The following HYDIN variants were observed in gnomAD, a reference collection of about 807,000 sequenced individuals.
HYDIN encodes axonemal central pair apparatus protein HYDIN.
HYDIN carries 132 observed loss-of-function variants against 403.9 expected under a neutral mutation model. The observed-to-expected ratio is 0.33, with a 90% CI of 0.28 to 0.38. HYDIN has a LOEUF of 0.38. Ranked by LOEUF, HYDIN falls within the 10% of genes least tolerant of loss-of-function variation. HYDIN has a pLI of 1.00. For missense variants in HYDIN, 2,827 were observed against 5,009.5 expected (o/e 0.56, Z 13.15); for synonymous variants, 1,202 against 1,891.7 (o/e 0.64, Z 9.46).
chr16:71,100,197 A>G (rs1274756895), intron 10 of HYDIN, among the ~76,000 whole-genome samples: 5 of 152,218 alleles, frequency 3.3e-5, no homozygotes, highest in Non-Finnish European at 5.9e-5. Context: ...TCAAAGCAAA[A>G]GTTGTAAAAC....
intron 15 of HYDIN, 89 bp from the exon 16 acceptor site, chr16:71,064,929 G>T: frequency 3.5e-6 from 5 of 1,418,622 alleles, no homozygotes; most frequent in Non-Finnish European, 4.8e-6. Context: ...ACATTTGTCA[G>T]TGTCACATAG....
intron 85 of HYDIN, among the ~76,000 whole-genome samples, chr16:70,808,452 G>T: frequency 6.6e-6 from 1 of 152,146 alleles, no homozygotes; most frequent in Non-Finnish European, 1.5e-5. Context: ...AGTGAAAGGT[G>T]TCACTTCCAT....
At chr16:70,864,112 C>T (rs1309247066) in intron 67 of HYDIN, among the ~76,000 whole-genome samples, 1 of 152,064 alleles carries the variant, frequency 6.6e-6, no homozygotes, top group African/African-American at 2.4e-5. Context: ...AGGTGGATCA[C>T]CTGAGGTCAG....
chr16:70,911,929 T>C (rs1357807662), intron 47 of HYDIN, among the ~76,000 whole-genome samples: 4 of 150,838 alleles, frequency 2.7e-5, no homozygotes, highest in Non-Finnish European at 5.9e-5. Flanking sequence ...TGTTGGTGTA[T>C]AGAAGAGCTA....
intron 2 of HYDIN, 114 bp downstream of exon 2, chr16:71,186,647 G>T: frequency 1.2e-6 from 1 of 807,734 alleles, no homozygotes; most frequent in South Asian, 2.0e-5. Flanking sequence ...TAACTAAATT[G>T]ATATTAATCA....
At chr16:70,881,964 T>C (rs1297654284) in intron 60 of HYDIN, among the ~76,000 whole-genome samples, 1 of 152,240 alleles carries the variant, frequency 6.6e-6, no homozygotes, top group African/African-American at 2.4e-5. Flanking sequence ...CTGAATTTTC[T>C]GTTCTGCTGT....
intron 10 of HYDIN, among the ~76,000 whole-genome samples, chr16:71,099,966 T>C (rs2083405694): frequency 6.6e-6 from 1 of 152,128 alleles, no homozygotes; most frequent in Non-Finnish European, 1.5e-5. Context: ...TCACATCACT[T>C]GCACTCCAGC....
chr16:70,901,606 G>T, intron 52 of HYDIN, among the ~76,000 whole-genome samples: 1 of 136,434 alleles, frequency 7.3e-6, no homozygotes, highest in Non-Finnish European at 1.5e-5. Context: ...TTTTTTTGGA[G>T]ACGGAGTCTT....
At chr16:71,006,796 A>T (rs2144088605) in intron 23 of HYDIN, among the ~76,000 whole-genome samples, 1 of 152,270 alleles carries the variant, frequency 6.6e-6, no homozygotes, top group Non-Finnish European at 1.5e-5. Context: ...AGACCCCGTC[A>T]GTATTCCCAC....
chr16:70,959,860 C>T, intron 38 of HYDIN, 40 bp from the exon 39 acceptor site: 1 of 570,978 alleles, frequency 1.8e-6, no homozygotes, highest in Non-Finnish European at 3.0e-6. Flanking sequence ...ACATGGCATG[C>T]ATGCTACACA....
intron 45 of HYDIN, chr16:70,933,705 G>C (rs2077418947): frequency 6.5e-6 from 1 of 154,868 alleles, no homozygotes; most frequent in Non-Finnish European, 1.5e-5. Context: ...GTGTCACATA[G>C]CAGGAATTCA....
intron 84 of HYDIN, among the ~76,000 whole-genome samples, chr16:70,812,017 A>C (rs1416598420): frequency 2.1e-5 from 2 of 96,976 alleles, no homozygotes; most frequent in African/African-American, 8.2e-5. Flanking sequence ...CAAGGATGAA[A>C]GAATACTAGT....
At chr16:71,010,229 C>T (rs2080035634) in intron 23 of HYDIN, among the ~76,000 whole-genome samples, 1 of 151,754 alleles carries the variant, frequency 6.6e-6, no homozygotes, top group Admixed American at 6.6e-5. Context: ...GGGCTAAATG[C>T]TTACTTTTGG....
At chr16:71,093,758 A>C in intron 11 of HYDIN, 59 bp downstream of exon 11, 6 of 1,579,256 alleles carry the variant, frequency 3.8e-6, no homozygotes, top group Non-Finnish European at 5.2e-6. Context: ...ATATAAGATA[A>C]AACAAACCCC....
Position 70,878,646 on chromosome 16 carries a change from G to A in HYDIN, c.10557+651C>T, listed in dbSNP as rs956446842. Among the ~76,000 whole-genome samples, 17 of 146,990 alleles carry A rather than the reference G, an allele frequency of 1.2e-4. 1 individual carries two copies. Among genetic ancestry groups the A allele is most frequent in the African/African-American group, 3.6e-4 (13 of 36,402 alleles). On this transcript the variant is annotated intron_variant, in intron 62 of 85. Coordinates refer to ENST00000393567, the MANE Select transcript of HYDIN (RefSeq NM_001270974.2). ...TACTATCTCCTGTAGTAGTGTGCAC[G>A]TTTTGTTTTGTTTTGTTTTTTGGCT...
intron 5 of HYDIN, among the ~76,000 whole-genome samples, chr16:71,169,738 T>C (rs1006725990): frequency 2.0e-5 from 3 of 152,176 alleles, no homozygotes; most frequent in Admixed American, 6.5e-5. Flanking sequence ...AGGAGACCTA[T>C]TATACAACAT....
intron 1 of HYDIN, among the ~76,000 whole-genome samples, chr16:71,219,805 C>T (rs1567468540): frequency 6.6e-6 from 1 of 152,190 alleles, no homozygotes; most frequent in Non-Finnish European, 1.5e-5. Flanking sequence ...TCCAAGCCCC[C>T]ATCCCTCTCA....
intron 18 of HYDIN, among the ~76,000 whole-genome samples, chr16:71,058,919 C>T (rs1016517126): frequency 7.9e-5 from 12 of 152,112 alleles, no homozygotes; most frequent in Non-Finnish European, 1.5e-4. Flanking sequence ...TGATTACCTG[C>T]ACTTAATAAC....
intron 18 of HYDIN, among the ~76,000 whole-genome samples, chr16:71,042,779 T>C (rs910381556): frequency 7.2e-5 from 11 of 152,190 alleles, no homozygotes; most frequent in Non-Finnish European, 1.6e-4. Flanking sequence ...TTCCATCTTC[T>C]TGGAGACAAA....
Sources: allele counts gnomAD v4.1 joint callset (sites outside exome capture counted in the v4.1 genomes callset), GRCh38; gene constraint gnomAD v4.1.1; transcripts MANE v1.5; gene names NCBI Gene and HGNC (gene_info 2026-07-23, HGNC 2026-07-21).